HCRTR2: variants seen among roughly 807,000 people sequenced by gnomAD.
The protein encoded by HCRTR2 is hypocretin receptor 2.
Under a neutral mutation model 49.0 loss-of-function variants are expected in HCRTR2, and 22 were observed. That is an observed-to-expected ratio of 0.45 (90% CI 0.32 to 0.64). HCRTR2 has a LOEUF of 0.64. Ranked by LOEUF, HCRTR2 falls within the 30% of genes least tolerant of loss-of-function variation. The pLI is 0.04. For missense variants in HCRTR2, 491 were observed against 559.4 expected (o/e 0.88, Z 1.23); for synonymous variants, 236 against 205.3 (o/e 1.15, Z -1.28).
chr6:55,138,502 A>T (rs991948415), intron 1 of HCRTR2, among the ~76,000 whole-genome samples: 2 of 152,224 alleles, frequency 1.3e-5, no homozygotes, highest in African/African-American at 4.8e-5. Flanking sequence ...CAATATGCGC[A>T]TGCTGCTTGC....
intron 1 of HCRTR2, among the ~76,000 whole-genome samples, chr6:55,230,535 G>T (rs1766094368): frequency 6.6e-6 from 1 of 152,132 alleles, no homozygotes; most frequent in African/African-American, 2.4e-5. Flanking sequence ...TGTGTTGAAA[G>T]AATACATCAA....
At chr6:55,193,349 C>G (rs1270117581) in intron 1 of HCRTR2, among the ~76,000 whole-genome samples, 1 of 151,978 alleles carries the variant, frequency 6.6e-6, no homozygotes, top group Non-Finnish European at 1.5e-5. Context: ...GAGAAGGAAA[C>G]TTTAACTTCA....
chr6:55,220,971 G>A (rs1001432837), intron 1 of HCRTR2, among the ~76,000 whole-genome samples: 3 of 152,070 alleles, frequency 2.0e-5, no homozygotes, highest in East Asian at 1.9e-4. Context: ...TGACTAAAAT[G>A]TTTAGTAATA....
At chr6:55,209,651 A>G (rs1440299636) in intron 1 of HCRTR2, among the ~76,000 whole-genome samples, 1 of 152,224 alleles carries the variant, frequency 6.6e-6, no homozygotes, top group African/African-American at 2.4e-5. Context: ...TTCCCAATGT[A>G]TTATACATCC....
chr6:55,261,507 C>T (rs533598846), intron 3 of HCRTR2, among the ~76,000 whole-genome samples: 43 of 152,140 alleles, frequency 2.8e-4, no homozygotes, highest in East Asian at 3.9e-4. Flanking sequence ...CAAGTTCAAA[C>T]GATACTCCTG....
chr6:55,212,993 C>A (rs2127292717), intron 1 of HCRTR2, among the ~76,000 whole-genome samples: 1 of 152,008 alleles, frequency 6.6e-6, no homozygotes, highest in African/African-American at 2.4e-5. Context: ...GTAGCTATGG[C>A]ATTTGATTTC....
chr6:55,234,046 G>C (rs928038870), intron 1 of HCRTR2, among the ~76,000 whole-genome samples: 1 of 152,058 alleles, frequency 6.6e-6, no homozygotes, highest in African/African-American at 2.4e-5. Flanking sequence ...TATCTAAAAG[G>C]TCATTCTGTT....
At chr6:55,263,295 C>T (rs1164322154) in intron 3 of HCRTR2, among the ~76,000 whole-genome samples, 1 of 151,986 alleles carries the variant, frequency 6.6e-6, no homozygotes, top group Non-Finnish European at 1.5e-5. Context: ...CCCATTTTAA[C>T]CAAAGCATTA....
intron 1 of HCRTR2, among the ~76,000 whole-genome samples, chr6:55,195,840 T>A (rs3134694): frequency 4.6e-5 from 7 of 151,734 alleles, no homozygotes; most frequent in Middle Eastern, 6.8e-3. Flanking sequence ...TGGTGGTGGG[T>A]GCCTGTAGTC....
intron 1 of HCRTR2, among the ~76,000 whole-genome samples, chr6:55,214,023 C>A (rs1010382746): frequency 1.3e-5 from 2 of 151,232 alleles, no homozygotes; most frequent in Non-Finnish European, 2.9e-5. Context: ...TCTCAGAGTG[C>A]AGATGGAACC....
At chr6:55,127,199 G>A (rs895061557) in intron 1 of HCRTR2, among the ~76,000 whole-genome samples, 31 of 152,238 alleles carry the variant, frequency 2.0e-4, no homozygotes, top group Non-Finnish European at 4.0e-4. Flanking sequence ...GGCCCTGGTG[G>A]GGTAGGCACC....
At chr6:55,150,780 A>C (rs1385961416) in intron 1 of HCRTR2, among the ~76,000 whole-genome samples, 3 of 152,024 alleles carry the variant, frequency 2.0e-5, no homozygotes, top group Non-Finnish European at 1.5e-5. Context: ...TATTATAAAC[A>C]ATGTTTTAAT....
At chr6:55,207,535 G>C (rs1266732163) in intron 1 of HCRTR2, among the ~76,000 whole-genome samples, 1 of 152,112 alleles carries the variant, frequency 6.6e-6, no homozygotes, top group Non-Finnish European at 1.5e-5. Context: ...AGGATACAAG[G>C]ACCATATTGA....
chr6:55,136,837 GTGTCCTACTGGACATGGGGACCCTGGC>G (rs2127250760), intron 1 of HCRTR2, among the ~76,000 whole-genome samples: 1 of 152,320 alleles, frequency 6.6e-6, no homozygotes, highest in East Asian at 1.9e-4. Flanking sequence ...GATTGGCACA[GTGTCCTACTGGACATGGGGACCCTGGC>G]TGAAGGAGCT....
At chr6:55,186,919 A>G (rs1248592039) in intron 1 of HCRTR2, among the ~76,000 whole-genome samples, 1 of 152,200 alleles carries the variant, frequency 6.6e-6, no homozygotes, top group Non-Finnish European at 1.5e-5. Context: ...TGGACTGTGC[A>G]AACAATGGAA....
At chr6:55,158,926 G>A (rs1764766842) in intron 1 of HCRTR2, among the ~76,000 whole-genome samples, 1 of 152,180 alleles carries the variant, frequency 6.6e-6, no homozygotes, top group Non-Finnish European at 1.5e-5. Context: ...AGACAGCAGG[G>A]GATCTCCCAG....
At chr6:55,214,010 C>T (rs967748308) in intron 1 of HCRTR2, among the ~76,000 whole-genome samples, 1 of 151,674 alleles carries the variant, frequency 6.6e-6, no homozygotes, top group Non-Finnish European at 1.5e-5. Context: ...TTTACCACAC[C>T]AATCTCAGAG....
chr6:55,160,028 CATA>C (rs1764784518), intron 1 of HCRTR2, among the ~76,000 whole-genome samples: 5 of 152,064 alleles, frequency 3.3e-5, no homozygotes, highest in Non-Finnish European at 5.9e-5. Flanking sequence ...CCCCAAGACA[CATA>C]ATTGTCAGAT....
upstream of HCRTR2, among the ~76,000 whole-genome samples, chr6:55,170,342 A>G (rs1000803119): frequency 1.1e-4 from 17 of 149,706 alleles, no homozygotes; most frequent in Non-Finnish European, 2.1e-4. Flanking sequence ...GTATTTGTAT[A>G]TATTTATAGG....
Sources: gnomAD v4.1 joint callset for allele counts (sites outside exome capture counted in the v4.1 genomes callset) on GRCh38, gnomAD v4.1.1 for gene constraint, MANE v1.5 for transcripts, NCBI Gene and HGNC (gene_info 2026-07-23, HGNC 2026-07-21) for gene names.